Variants in ERFE observed in about 807,000 individuals in gnomAD.
ERFE encodes the protein erythroferrone, also known as complement C1q tumor necrosis factor-related protein 15.
Under a neutral mutation model 26.6 loss-of-function variants are expected in ERFE, and 25 were observed. The observed-to-expected ratio is 0.94, with a 90% CI of 0.69 to 1.31. The LOEUF is 1.31. Ranked by LOEUF, ERFE falls within the 40% of genes most tolerant of loss-of-function variation. The pLI is 0.00. For synonymous variants in ERFE, 206 were observed against 204.5 expected, an observed-to-expected ratio of 1.01 and a Z score of -0.06; for missense variants, 447 against 440.2, an observed-to-expected ratio of 1.02 and a Z score of -0.14.
intron 7 of ERFE, 53 bp from the exon 8 acceptor site, chr2:238,166,903 A>G (rs2106321545): frequency 3.4e-6 from 5 of 1,466,176 alleles, no homozygotes; most frequent in Non-Finnish European, 3.7e-6. Flanking sequence ...CCCTTGGGTC[A>G]CCTCTGCAGG....
Position 238,159,189 on chromosome 2 carries a change from C to T in ERFE, c.182C>T (p.Pro61Leu). 4.7e-6 allele frequency: 1 copy of T among 210,712 alleles called. No individual in the cohort carries two copies. The highest frequency in any genetic ancestry group is 9.3e-6 in the Non-Finnish European group (1 of 107,718). The allele number at this position is 210,712 out of a possible 1,614,324, so 13.1% of individuals were successfully genotyped here. A position where few individuals can be genotyped will look rare whatever the true frequency, so the allele number is the denominator to read the frequency against. The change falls in exon 1 of 8, where the codon CCG (proline) becomes CTG (leucine). Residue 61 changes from proline to leucine, a missense_variant. Pro to Leu is a moderately conservative substitution (Grantham distance 98). Transcript: ENST00000546354. ...GGCCCCGGGGAGAGCCGCGCGGGGC[C>T]GGCCGCTCGTCCGCCGGTAAGACGC... is the stretch of plus-strand genomic sequence containing the variant. Reference protein sequence around the residue: ...PRGPGESRAGPAARPPEPTAE... With the variant: ...PRGPGESRAGLAARPPEPTAE...
chr2:238,166,999 G>A lies in ERFE; in HGVS notation c.1010G>A (p.Cys337Tyr). The A allele has an allele frequency of 6.4e-7, 1 of 1,550,514 alleles. No homozygotes were observed. Among genetic ancestry groups the A allele is most frequent in the South Asian group, 1.2e-5 (1 of 84,068 alleles). Residue 337 changes from cysteine (C) to tyrosine (Y), a missense_variant, in exon 8 of 8, where the codon TGC becomes TAC. Transcript: ENST00000546354. ...TSVFLDNASGCSLTVRSGSHF... is the reference protein window; with the variant it reads ...TSVFLDNASGYSLTVRSGSHF... ...GTGTTCTTGGACAACGCCAGCGGCT[G>A]CTCCCTCACAGTGCGCAGTGGCTCC... is the stretch of plus-strand genomic sequence containing the variant.
rs1266366154 is a variant in ERFE, at chr2:238,164,334, C to T, written c.861C>T (p.Cys287=). The T allele has an allele frequency of 3.9e-6, 6 of 1,539,546 alleles. No individual in the cohort carries two copies. The highest frequency in any genetic ancestry group is 5.2e-6 in the Non-Finnish European group (6 of 1,144,794). The change falls in exon 6 of 8, where the codon TGC becomes TGT. Residue 287 remains cysteine (C), a synonymous_variant. Transcript: ENST00000546354. ...RPRDHLRLLI[C]IQSRCQRNAS... ...GGGACCACCTGCGCCTGCTCATCTG[C>T]ATCCAGTCCCGGTGCCAGCGCAACG...
Position 238,167,826 on chromosome 2 carries a change from A to C in ERFE, c.*772A>C. The C allele has an allele frequency of 8.2e-6, 2 of 244,554 alleles. No individual in the cohort carries two copies. The highest frequency in any genetic ancestry group is 1.6e-5 in the Non-Finnish European group (2 of 122,298). The allele number at this position is 244,554 out of a possible 1,614,324, so 15.1% of individuals were successfully genotyped here. On this transcript the variant is annotated 3_prime_UTR_variant, in exon 8 of 8. Transcript: ENST00000546354. ...AATCTTCACAGCCAAGGCCCCTTCC[A>C]CCCTCTCCAGAGGTGGATGAGATCC...
chr2:238,164,614 G>GT, intron 6 of ERFE: 1 of 492,218 alleles, frequency 2.0e-6, no homozygotes, highest in Non-Finnish European at 3.6e-6. Context: ...CAGCACTTTG[G>GT]GAGGCCGAGG....
rs988261373 is a variant in ERFE at position 238,167,716 on chromosome 2, T to C, written c.*662T>C. The stretch of plus-strand genomic sequence containing the variant: ...GGACAGTAAGTCTGGGCCCAGCTTC[T>C]AGTTCTAATGTGTGCAAGATTAACT... On this transcript the variant is annotated 3_prime_UTR_variant, in exon 8 of 8. Coordinates refer to ENST00000546354, the MANE Select transcript of ERFE (RefSeq NM_001291832.2). 5.9e-6 allele frequency: 2 copies of C among 339,788 alleles called. No homozygotes were observed. The highest frequency in any genetic ancestry group is 1.5e-4 in the East Asian group (2 of 13,142). 21.0% of individuals were successfully genotyped at this position (339,788 alleles called of 1,614,324 possible). A position where few individuals can be genotyped will look rare whatever the true frequency, so the allele number is the denominator to read the frequency against.
Position 238,168,720 on chromosome 2 carries a change from G to A in ERFE, c.*1666G>A. 1 of 271,300 alleles carries A rather than the reference G, an allele frequency of 3.7e-6. No homozygotes were observed. The allele number at this position is 271,300 out of a possible 1,614,324, so 16.8% of individuals were successfully genotyped here. ...GTGTGTTTTGATAAGGGGGTGATGT[G>A]GCCACGCCCTTATCTAGATTTCACT... is the stretch of plus-strand genomic sequence containing the variant. On this transcript the variant is annotated 3_prime_UTR_variant, in exon 8 of 8. Transcript: ENST00000546354.
chr2:238,167,609 T>C lies in ERFE; in HGVS notation c.*555T>C, dbSNP rs973184689. On this transcript the variant is annotated 3_prime_UTR_variant, in exon 8 of 8. Coordinates refer to ENST00000546354, the MANE Select transcript of ERFE (RefSeq NM_001291832.2). Reference sequence around the variant, plus strand: ...TGGGCTCCTTGGTCTTCCCTGCCCCTCCCCTAACCGTGTTCTACCTGCCAG... The same window carrying C: ...TGGGCTCCTTGGTCTTCCCTGCCCCCCCCCTAACCGTGTTCTACCTGCCAG... 2.7e-6 allele frequency: 1 copy of C among 371,372 alleles called. No individual in the cohort carries two copies. Among genetic ancestry groups the C allele is most frequent in the Non-Finnish European group, 5.4e-6 (1 of 185,730 alleles). 23.0% of individuals were successfully genotyped at this position (371,372 alleles called of 1,614,324 possible). A position where few individuals can be genotyped will look rare whatever the true frequency, so the allele number is the denominator to read the frequency against.
chr2:238,165,918 G>A (rs1281570160), intron 7 of ERFE, among the ~76,000 whole-genome samples: 1 of 152,200 alleles, frequency 6.6e-6, no homozygotes, highest in Non-Finnish European at 1.5e-5. Flanking sequence ...GAGGGCACCT[G>A]CCCGCTTGAG....
In ERFE at chr2:238,163,965, G is replaced by A; in HGVS notation, c.653G>A (p.Arg218Gln). The A allele has an allele frequency of 7.2e-7, 1 of 1,383,556 alleles. No homozygotes were observed. Among genetic ancestry groups the A allele is most frequent in the African/African-American group, 1.5e-5 (1 of 65,876 alleles). 85.7% of individuals were successfully genotyped at this position (1,383,556 alleles called of 1,614,324 possible). ...CTGCGCCGGGACGCGTTGGTGGAGCGGCGCGCGCTGCACGAGCTTGGCGTC... is the reference window on the plus strand; with the variant it reads ...CTGCGCCGGGACGCGTTGGTGGAGCAGCGCGCGCTGCACGAGCTTGGCGTC... The part of the protein sequence containing the change: ...CRLRRDALVE[R>Q]RALHELGVYY... The change falls in exon 4 of 8, where the codon CGG becomes CAG. Residue 218 changes from arginine to glutamine, a missense_variant. Physicochemically the swap from Arg to Gln is conservative, Grantham distance 43. Coordinates refer to ENST00000546354, the MANE Select transcript of ERFE (RefSeq NM_001291832.2).
intron 1 of ERFE, 107 bp from the exon 2 acceptor site, chr2:238,161,487 G>T: frequency 7.5e-7 from 1 of 1,341,212 alleles, no homozygotes; most frequent in South Asian, 1.9e-5. Context: ...ACAAGGACCA[G>T]GGTCCCAGAG....
intron 6 of ERFE, among the ~76,000 whole-genome samples, chr2:238,164,907 C>A (rs1420648566): frequency 6.6e-6 from 1 of 152,142 alleles, no homozygotes; most frequent in East Asian, 1.9e-4. Context: ...CCTGCCCAGA[C>A]CTTCACCTCC....
At chr2:238,162,663 A>G in intron 2 of ERFE, 73 bp from the exon 3 acceptor site, 1 of 980,342 alleles carries the variant, frequency 1.0e-6, no homozygotes. Flanking sequence ...CTTAGTGGCA[A>G]GAGCTTGCAC....
chr2:238,159,626 T>C (rs1232655321), intron 1 of ERFE, among the ~76,000 whole-genome samples: 2 of 152,218 alleles, frequency 1.3e-5, no homozygotes, highest in African/African-American at 4.8e-5. Flanking sequence ...CCTGCGGATC[T>C]GGGGTCGGGG....
chr2:238,161,547 A>G, intron 1 of ERFE, 47 bp from the exon 2 acceptor site: 1 of 1,488,436 alleles, frequency 6.7e-7, no homozygotes, highest in Non-Finnish European at 9.0e-7. Flanking sequence ...CCTGCTTGGT[A>G]GGAGCCCAGT....
Position 238,166,941 on chromosome 2 carries a change from G to A in ERFE, c.967-15G>A, listed in dbSNP as rs1269971868. The A allele has an allele frequency of 6.5e-7, 1 of 1,549,370 alleles. No homozygotes were observed. Among genetic ancestry groups the A allele is most frequent in the Non-Finnish European group, 8.7e-7 (1 of 1,146,246 alleles). ...GTTGGGGTGGCCCAGTGCCTCAAAG[G>A]CACCCTCCTTGCAGATGGGGCAGTG... On this transcript the variant is annotated splice_polypyrimidine_tract_variant and intron_variant, in intron 7 of 7. Transcript: ENST00000546354.
Position 238,159,125 on chromosome 2 carries a change from G to GCCCGCAGGGAGCCGCC in ERFE, c.119_134dup (p.Gly47GlnfsTer30), listed in dbSNP as rs1289586919. The GCCCGCAGGGAGCCGCC allele has an allele frequency of 1.5e-5, 3 of 202,290 alleles. No homozygotes were observed. The highest frequency in any genetic ancestry group is 1.9e-5 in the Non-Finnish European group (2 of 103,168). 12.5% of individuals were successfully genotyped at this position (202,290 alleles called of 1,614,324 possible). On this transcript the variant is annotated frameshift_variant, in exon 1 of 8. Coordinates refer to ENST00000546354, the MANE Select transcript of ERFE (RefSeq NM_001291832.2). LOFTEE classifies it high-confidence loss of function. ...GCCTGGGGCGCCCTCGAGGAGCCGC[G>GCCCGCAGGGAGCCGCC]CCCGCAGGGAGCCGCCGCCCGGGAA...
intron 5 of ERFE, 38 bp downstream of exon 5, chr2:238,164,221 G>GCCCGCTCTGTCT: frequency 7.0e-7 from 1 of 1,431,798 alleles, no homozygotes. Flanking sequence ...CCGCTCTGTC[G>GCCCGCTCTGTCT]CCCACCCCGC....
At position 238,162,825 on chromosome 2, in the gene ERFE, G is replaced by C; in HGVS notation, c.411G>C (p.Gln137His). ...IPPEALLKEF[Q>H]LLLKGAVRQR... ...CCGAGGCGCTGCTGAAGGAGTTCCA[G>C]CTGCTGCTGAAAGGTAGGGGTGTGC... Residue 137 changes from glutamine (Q) to histidine (H), a missense_variant, in exon 3 of 8, where the codon CAG becomes CAC. Physicochemically the swap from Gln to His is conservative, Grantham distance 24. Transcript: ENST00000546354. 6.5e-7 allele frequency: 1 copy of C among 1,550,236 alleles called. No individual in the cohort carries two copies. The highest frequency in any genetic ancestry group is 8.7e-7 in the Non-Finnish European group (1 of 1,146,800).
Sources: gnomAD v4.1 joint callset for allele counts (sites outside exome capture counted in the v4.1 genomes callset) on GRCh38, gnomAD v4.1.1 for gene constraint, MANE v1.5 for transcripts, NCBI Gene and HGNC (gene_info 2026-07-23, HGNC 2026-07-21) for gene names.